ADGRG3: variants seen among roughly 807,000 people sequenced by gnomAD.
ADGRG3 encodes G protein-coupled receptor 97.
In ADGRG3, 39 loss-of-function variants were observed where a neutral mutation model predicts 54.3. That is an observed-to-expected ratio of 0.72 (90% CI 0.56 to 0.94). The LOEUF (loss-of-function observed/expected upper bound fraction) is 0.94. Ranked by LOEUF, ADGRG3 falls within the 40% of genes least tolerant of loss-of-function variation. The pLI, the probability that ADGRG3 is intolerant of heterozygous loss-of-function variation, is 0.00. For missense variants in ADGRG3, 654 were observed against 694.6 expected (o/e 0.94, Z 0.66); for synonymous variants, 312 against 290.0 (o/e 1.08, Z -0.77).
At chr16:57,684,858 C>T (rs1043787834) in intron 10 of ADGRG3, among the ~76,000 whole-genome samples, 2 of 152,174 alleles carry the variant, frequency 1.3e-5, no homozygotes, top group Admixed American at 1.3e-4. Context: ...TCAGCCCCCA[C>T]CTGCTGCCCA....
chr16:57,680,696 G>A, intron 8 of ADGRG3, 79 bp downstream of exon 8: 3 of 968,330 alleles, frequency 3.1e-6, no homozygotes, highest in Non-Finnish European at 4.9e-6. Flanking sequence ...AAGCATTCAG[G>A]TTGTGCAGCC....
At chr16:57,669,089 G>C (rs62039892) in intron 1 of ADGRG3, among the ~76,000 whole-genome samples, 13,060 of 152,124 alleles carry the variant, frequency 0.086, 627 homozygotes, top group East Asian at 0.21. Flanking sequence ...TACCCTTCTT[G>C]GCCTCTGTGG....
intron 2 of ADGRG3, 51 bp downstream of exon 2, chr16:57,673,519 G>A: frequency 6.4e-7 from 1 of 1,553,086 alleles, no homozygotes; most frequent in Non-Finnish European, 8.8e-7. Flanking sequence ...CTGGGAGGAG[G>A]ACTATCAGGA....
In ADGRG3 at chr16:57,685,673, C is replaced by T. The variant is rs766924163; in HGVS notation, c.1287C>T (p.Tyr429=). ...LCWFREGTTM[Y]ALYITVHGYF... ...GGTTCCGTGAAGGGACAACCATGTACGCCCTCTATATCACCGTCCACGGCT... is the reference window on the plus strand; with the variant it reads ...GGTTCCGTGAAGGGACAACCATGTATGCCCTCTATATCACCGTCCACGGCT... The change falls in exon 11 of 12, where the codon TAC becomes TAT. Residue 429 remains tyrosine, a synonymous_variant. Coordinates refer to ENST00000333493, the MANE Select transcript of ADGRG3 (RefSeq NM_170776.5). The T allele has an allele frequency of 2.5e-5, 41 of 1,614,088 alleles. 1 individual carries two copies. Among genetic ancestry groups the T allele is most frequent in the Middle Eastern group, 1.6e-4 (1 of 6,084 alleles).
Position 57,680,364 on chromosome 16 carries a change from T to C in ADGRG3, c.767T>C (p.Leu256Pro). Residue 256 changes from leucine to proline, a missense_variant and splice_region_variant, in exon 7 of 12, where the codon CTG (leucine) becomes CCG (proline). Coordinates refer to ENST00000333493, the MANE Select transcript of ADGRG3 (RefSeq NM_170776.5). Reference protein sequence around the residue: ...CDHLTFFALLLRPTLDQSTVH... With the variant: ...CDHLTFFALLPRPTLDQSTVH... The stretch of plus-strand genomic sequence containing the variant: ...CACCTGACCTTTTTCGCCCTGCTCC[T>C]GGTAACAGCCCCCTCCACTCTGATC... 1 of 1,611,772 alleles carries C rather than the reference T, an allele frequency of 6.2e-7. No individual in the cohort carries two copies.
intron 8 of ADGRG3, among the ~76,000 whole-genome samples, chr16:57,682,920 A>T (rs1814520): frequency 0.34 from 52,146 of 151,936 alleles, 12,104 homozygotes; most frequent in African/African-American, 0.64. Context: ...CCCTGGTCCC[A>T]CCACTGTTAG....
chr16:57,665,743 A>G (rs910422782), upstream of ADGRG3, among the ~76,000 whole-genome samples: 1 of 152,176 alleles, frequency 6.6e-6, no homozygotes. Flanking sequence ...CAAGGCCCAC[A>G]GTCCACTCTC....
chr16:57,685,687 C>T lies in ADGRG3; in HGVS notation c.1301C>T (p.Thr434Ile), dbSNP rs1422655220. Reference sequence around the variant, plus strand: ...ACAACCATGTACGCCCTCTATATCACCGTCCACGGCTACTTCCTCATCACC... The same window carrying T: ...ACAACCATGTACGCCCTCTATATCATCGTCCACGGCTACTTCCTCATCACC... ...EGTTMYALYITVHGYFLITFL... is the reference protein window; with the variant it reads ...EGTTMYALYIIVHGYFLITFL... The change falls in exon 11 of 12, where the codon ACC (threonine) becomes ATC (isoleucine). Residue 434 changes from threonine (T) to isoleucine (I), a missense_variant. Transcript: ENST00000333493. 6.2e-7 allele frequency: 1 copy of T among 1,614,226 alleles called. No individual in the cohort carries two copies. The highest frequency in any genetic ancestry group is 8.5e-7 in the Non-Finnish European group (1 of 1,180,032).
At chr16:57,666,377 C>T (rs372026538), upstream of ADGRG3, among the ~76,000 whole-genome samples, 8 of 152,366 alleles carry the variant, frequency 5.3e-5, no homozygotes, top group East Asian at 1.9e-4. Context: ...CCAACAGTTC[C>T]ATGCTGATCC....
At position 57,678,230 on chromosome 16, in the gene ADGRG3, A is replaced by G. The variant is rs375500254; in HGVS notation, c.406A>G (p.Ser136Gly). 1.1e-5 allele frequency: 18 copies of G among 1,614,030 alleles called. No individual in the cohort carries two copies. The highest frequency in any genetic ancestry group is 1.5e-5 in the Non-Finnish European group (18 of 1,180,018). Residue 136 changes from serine (S) to glycine (G), a missense_variant, in exon 4 of 12, where the codon AGC becomes GGC. Coordinates refer to ENST00000333493, the MANE Select transcript of ADGRG3 (RefSeq NM_170776.5). The stretch of plus-strand genomic sequence containing the variant: ...CCCTGACAGAGTGCGACTTCCCAAG[A>G]GCCTTTTTCGATCCCTGCCAGGCAA... ...KPPDRVRLPK[S>G]LFRSLPGNRS...
At chr16:57,680,391 C>A in intron 7 of ADGRG3, 26 bp downstream of exon 7, 1 of 1,597,174 alleles carries the variant, frequency 6.3e-7, no homozygotes. Context: ...ACTCTGATCC[C>A]AGCCATCCCA....
rs779478620 is a variant in ADGRG3, at chr16:57,678,263, G to A, written c.439G>A (p.Val147Met). 6.2e-6 allele frequency: 10 copies of A among 1,614,228 alleles called. No homozygotes were observed. Among genetic ancestry groups the A allele is most frequent in the Non-Finnish European group, 8.5e-6 (10 of 1,180,030 alleles). The change falls in exon 4 of 12, where the codon GTG becomes ATG. Residue 147 changes from valine (V) to methionine (M), a missense_variant. Coordinates refer to ENST00000333493, the MANE Select transcript of ADGRG3 (RefSeq NM_170776.5). The part of the protein sequence containing the change: ...LFRSLPGNRS[V>M]VRLAVTILDI... ...TCGATCCCTGCCAGGCAACAGGTCT[G>A]TGGTCCGCTTGGCCGTCACCATTCT...
rs748462815 is a variant in ADGRG3, at chr16:57,680,249, C to T, written c.668-16C>T. The T allele has an allele frequency of 2.6e-6, 4 of 1,538,810 alleles. No individual in the cohort carries two copies. The highest frequency in any genetic ancestry group is 3.6e-6 in the Non-Finnish European group (4 of 1,114,010). On this transcript the variant is annotated splice_polypyrimidine_tract_variant and intron_variant, in intron 6 of 11. Transcript: ENST00000333493. ...CTATATTCCCTTTCCCTCTGTTCCC[C>T]TGGCCTCCTCTCCAGGGACCACTGG...
rs186208650 is a variant in ADGRG3 at position 57,680,485 on chromosome 16, G to A, written c.769-20G>A. The stretch of plus-strand genomic sequence containing the variant: ...CCTGGCCTCCAACTGACGTGGTCCC[G>A]GTTCTGGGGTCACCCACAGAGACCC... On this transcript the variant is annotated intron_variant, in intron 7 of 11. Transcript: ENST00000333493. The A allele has an allele frequency of 1.4e-5, 23 of 1,600,322 alleles. No individual in the cohort carries two copies. The highest frequency in any genetic ancestry group is 1.7e-4 in the Middle Eastern group (1 of 6,026).
intron 1 of ADGRG3, among the ~76,000 whole-genome samples, chr16:57,668,883 T>G (rs1477718829): frequency 6.6e-6 from 1 of 152,108 alleles, no homozygotes; most frequent in African/African-American, 2.4e-5. Context: ...CGGCTCCCTC[T>G]CCCAGTCTCA....
At chr16:57,671,294 A>C (rs2048151572) in intron 1 of ADGRG3, among the ~76,000 whole-genome samples, 1 of 147,316 alleles carries the variant, frequency 6.8e-6, no homozygotes, top group Non-Finnish European at 1.5e-5. Context: ...AATACCCGGC[A>C]GTTTTTTAAA....
chr16:57,668,265 TG>T, upstream of ADGRG3: 3 of 1,137,568 alleles, frequency 2.6e-6, no homozygotes, highest in South Asian at 1.3e-5. Context: ...GGCTGCAGGG[TG>T]GGGGCAGGCC....
chr16:57,683,135 A>G (rs1053279101), intron 8 of ADGRG3, among the ~76,000 whole-genome samples: 1 of 152,242 alleles, frequency 6.6e-6, no homozygotes. Context: ...AGGGAAAGGC[A>G]TTGAGAACAG....
rs374978354 is a variant in ADGRG3 at position 57,678,124 on chromosome 16, G to T, written c.346-46G>T. 14 of 1,601,598 alleles carry T rather than the reference G, an allele frequency of 8.7e-6. No individual in the cohort carries two copies. In the African/African-American group the frequency reaches 1.6e-4, roughly 18 times the overall value. ...CAGCTGGGGGAGTGGCAGGACTCGTGTTGGGGGGTGGGTACAGATGGGAGC... is the reference window on the plus strand; with the variant it reads ...CAGCTGGGGGAGTGGCAGGACTCGTTTTGGGGGGTGGGTACAGATGGGAGC... On this transcript the variant is annotated intron_variant, in intron 3 of 11. Transcript: ENST00000333493.
Sources: gnomAD v4.1 joint callset for allele counts (sites outside exome capture counted in the v4.1 genomes callset) on GRCh38, gnomAD v4.1.1 for gene constraint, MANE v1.5 for transcripts, NCBI Gene and HGNC (gene_info 2026-07-23, HGNC 2026-07-21) for gene names.